Variants in TVP23C observed in about 807,000 individuals in gnomAD.
The protein encoded by TVP23C is trans-golgi network vesicle protein 23 homolog C, also known as Golgi apparatus membrane protein TVP23 homolog C.
In TVP23C, 19 loss-of-function variants were observed where a neutral mutation model predicts 28.7. That is an observed-to-expected ratio of 0.66 (90% CI 0.46 to 0.97). TVP23C has a LOEUF of 0.97. Ranked by LOEUF, TVP23C falls within the 50% of genes least tolerant of loss-of-function variation. TVP23C has a pLI of 0.00. For missense variants in TVP23C, 186 were observed against 241.3 expected (o/e 0.77, Z 1.52); for synonymous variants, 68 against 81.7 (o/e 0.83, Z 0.90).
chr17:15,503,400 GAT>G (rs1981579230), intron 5 of TVP23C: 9 of 837,090 alleles, frequency 1.1e-5, no homozygotes, highest in Admixed American at 1.0e-4. Context: ...GCAAGACCAT[GAT>G]ATTTCAAGAA....
chr17:15,556,599 C>T (rs77839079), intron 1 of TVP23C, among the ~76,000 whole-genome samples: 1 of 151,636 alleles, frequency 6.6e-6, no homozygotes, highest in Admixed American at 6.6e-5. Context: ...TTGTGATCCA[C>T]CCGCCTCGGC....
intron 5 of TVP23C, among the ~76,000 whole-genome samples, chr17:15,518,974 G>C (rs888551293): frequency 6.6e-6 from 1 of 152,142 alleles, no homozygotes; most frequent in African/African-American, 2.4e-5. Context: ...CACAAGATTT[G>C]ATGGTTGAAA....
downstream of TVP23C, among the ~76,000 whole-genome samples, chr17:15,536,178 A>C (rs1165320611): frequency 1.3e-5 from 2 of 152,158 alleles, no homozygotes; most frequent in African/African-American, 4.8e-5. Context: ...TGACAAGAGC[A>C]AAAACTCTGT....
Position 15,540,491 on chromosome 17 carries a change from C to T in TVP23C, c.533G>A (p.Ser178Asn), listed in dbSNP as rs1459931704. Residue 178 changes from serine to asparagine, a missense_variant, in exon 6 of 6, where the codon AGC becomes AAC. Ser to Asn is a conservative substitution (Grantham distance 46, BLOSUM62 1). Transcript: ENST00000518321. ...LYGYIRCKVR[S>N]RKHLTSMATS... ...AGCCATGCTGGTTAAATGCTTTCTGCTGCGCACCTTACACCTGATGTAACC... is the reference window on the plus strand; with the variant it reads ...AGCCATGCTGGTTAAATGCTTTCTGTTGCGCACCTTACACCTGATGTAACC... 10 of 1,611,224 alleles carry T rather than the reference C, an allele frequency of 6.2e-6. No individual in the cohort carries two copies. The highest frequency in any genetic ancestry group is 1.1e-5 in the South Asian group (1 of 90,466).
At chr17:15,503,541 T>C (rs1981587651) in intron 5 of TVP23C, 1 of 205,932 alleles carries the variant, frequency 4.9e-6, no homozygotes, top group African/African-American at 2.3e-5. Flanking sequence ...CCTTATTATG[T>C]TCTATTTCAA....
chr17:15,540,687 T>C, intron 5 of TVP23C, 126 bp from the exon 6 acceptor site: 1 of 610,686 alleles, frequency 1.6e-6, no homozygotes, highest in Admixed American at 3.0e-5. Flanking sequence ...AAAGCCATGA[T>C]TGTGCCAGTT....
intron 5 of TVP23C, among the ~76,000 whole-genome samples, chr17:15,505,862 C>T (rs554237343): frequency 1.3e-5 from 2 of 152,226 alleles, no homozygotes; most frequent in East Asian, 3.9e-4. Context: ...TACTGGGTCC[C>T]CCAGCAGTGC....
At chr17:15,507,753 G>A (rs111231377) in intron 5 of TVP23C, among the ~76,000 whole-genome samples, 1 of 152,092 alleles carries the variant, frequency 6.6e-6, no homozygotes, top group Non-Finnish European at 1.5e-5. Flanking sequence ...GCAGGAGAAT[G>A]GCGTGAACCC....
At chr17:15,521,533 A>G (rs1156673721) in intron 5 of TVP23C, among the ~76,000 whole-genome samples, 1 of 152,140 alleles carries the variant, frequency 6.6e-6, no homozygotes, top group Non-Finnish European at 1.5e-5. Context: ...TATAATCTCT[A>G]CTAATTAAGT....
At chr17:15,529,389 T>G (rs1597520767) in intron 5 of TVP23C, among the ~76,000 whole-genome samples, 2 of 151,706 alleles carry the variant, frequency 1.3e-5, no homozygotes, top group African/African-American at 4.8e-5. Context: ...GAGCTGGGGG[T>G]CGCAGTGAGC....
intron 1 of TVP23C, among the ~76,000 whole-genome samples, chr17:15,560,167 C>T (rs529455900): frequency 4.0e-5 from 6 of 149,622 alleles, no homozygotes; most frequent in African/African-American, 1.5e-4. Flanking sequence ...TCAAGGGACT[C>T]CCCTGCATCA....
chr17:15,513,211 C>T (rs908224875), intron 5 of TVP23C, among the ~76,000 whole-genome samples: 1 of 152,146 alleles, frequency 6.6e-6, no homozygotes, highest in Non-Finnish European at 1.5e-5. Context: ...CGGTCAGACT[C>T]AAATGGCAAG....
At chr17:15,555,182 C>T in intron 2 of TVP23C, 100 bp downstream of exon 2, 2 of 1,493,034 alleles carry the variant, frequency 1.3e-6, no homozygotes, top group South Asian at 2.5e-5. Context: ...TATTCACAAG[C>T]ACATTGAAAC....
intron 5 of TVP23C, chr17:15,506,957 A>G (rs1567629108): frequency 4.1e-6 from 5 of 1,222,560 alleles, no homozygotes; most frequent in Non-Finnish European, 5.9e-6. Context: ...AAGATTCCAA[A>G]GACGGCAGAA....
downstream of TVP23C, among the ~76,000 whole-genome samples, chr17:15,533,298 C>A (rs1157390981): frequency 6.6e-6 from 1 of 152,184 alleles, no homozygotes; most frequent in Admixed American, 6.5e-5. Context: ...CCTGATGACA[C>A]AATCATTAGA....
At chr17:15,502,543 C>T (rs1286395770) in exon 6 of TVP23C, 3 of 272,894 alleles carry the variant, frequency 1.1e-5, no homozygotes, top group Non-Finnish European at 2.0e-5. Context: ...TTGTCTGGAA[C>T]CCTCTGGCTC....
Position 15,540,550 on chromosome 17 carries a change from A to T in TVP23C, c.474T>A (p.Ile158=). 2 of 1,613,750 alleles carry T rather than the reference A, an allele frequency of 1.2e-6. No individual in the cohort carries two copies. The highest frequency in any genetic ancestry group is 1.7e-6 in the Non-Finnish European group (2 of 1,179,812). Residue 158 remains isoleucine (I), a synonymous_variant, in exon 6 of 6, where the codon ATT becomes ATA. Coordinates refer to ENST00000518321, the MANE Select transcript of TVP23C (RefSeq NM_001135036.2). ...SFTVKWLAVV[I]MGVVLQGANL... ...TGGCACCTTGTAGCACCACACCCAT[A>T]ATAACCACCGCCTGGGACAAGGGAA...
At chr17:15,513,959 G>A (rs975784013) in intron 5 of TVP23C, among the ~76,000 whole-genome samples, 4 of 152,216 alleles carry the variant, frequency 2.6e-5, no homozygotes, top group Non-Finnish European at 5.9e-5. Context: ...TCTGAATGCA[G>A]GGGCGGACGG....
downstream of TVP23C, among the ~76,000 whole-genome samples, chr17:15,534,660 T>G (rs2150844463): frequency 6.6e-6 from 1 of 151,252 alleles, no homozygotes; most frequent in Admixed American, 6.6e-5. Flanking sequence ...CTCTGGGGGA[T>G]GTAGAATTAG....
Sources: allele counts gnomAD v4.1 joint callset (sites outside exome capture counted in the v4.1 genomes callset), GRCh38; gene constraint gnomAD v4.1.1; transcripts MANE v1.5; gene names NCBI Gene and HGNC (gene_info 2026-07-23, HGNC 2026-07-21).